POLN: variants seen among roughly 807,000 people sequenced by gnomAD.
The protein encoded by POLN is DNA polymerase nu.
Under a neutral mutation model 113.5 loss-of-function variants are expected in POLN, and 108 were observed. The observed-to-expected ratio is 0.95, with a 90% CI of 0.81 to 1.12. The LOEUF (loss-of-function observed/expected upper bound fraction) is 1.12, where lower values mean the gene tolerates loss of function less well. Among genes scored for constraint, POLN ranks in the 50% most tolerant of loss-of-function variants. The pLI, the probability that POLN is intolerant of heterozygous loss-of-function variation, is 0.00. For synonymous variants in POLN, 386 were observed against 391.5 expected (o/e 0.99, Z 0.17); for missense variants, 1,097 against 1,077.1 (o/e 1.02, Z -0.26).
intron 16 of POLN, among the ~76,000 whole-genome samples, chr4:2,135,040 C>T (rs1731819519): frequency 6.6e-6 from 1 of 152,182 alleles, no homozygotes; most frequent in Non-Finnish European, 1.5e-5. Flanking sequence ...CCCAGGGCAG[C>T]AATGCAAAAT....
At chr4:2,173,130 CAA>C (rs1335016074) in intron 11 of POLN, among the ~76,000 whole-genome samples, 1 of 152,132 alleles carries the variant, frequency 6.6e-6, no homozygotes, top group African/African-American at 2.4e-5. Flanking sequence ...GAAAAGGCTA[CAA>C]AAGTCAGGGT....
chr4:2,124,514 A>G (rs1731530419), intron 19 of POLN, among the ~76,000 whole-genome samples: 1 of 152,186 alleles, frequency 6.6e-6, no homozygotes, highest in Admixed American at 6.5e-5. Flanking sequence ...CCTGGCCTCA[A>G]GTGATCCTCT....
At chr4:2,171,723 T>A (rs1732866915) in intron 11 of POLN, among the ~76,000 whole-genome samples, 2 of 152,108 alleles carry the variant, frequency 1.3e-5, no homozygotes, top group South Asian at 4.1e-4. Flanking sequence ...GTGGGTGTCT[T>A]GAGCCCAGGA....
chr4:2,215,913 C>T (rs763486259), intron 3 of POLN, among the ~76,000 whole-genome samples: 3 of 152,226 alleles, frequency 2.0e-5, no homozygotes, highest in Non-Finnish European at 4.4e-5. Context: ...ATCTCCTCTG[C>T]TGCTCTAGGT....
intron 21 of POLN, chr4:2,082,900 T>C (rs1355478074): frequency 6.6e-6 from 1 of 152,238 alleles, no homozygotes; most frequent in Non-Finnish European, 1.5e-5. Context: ...GCCAATCATC[T>C]TGACCCTTTT....
At position 2,213,053 on chromosome 4, in the gene POLN, T is replaced by G. The variant is rs754650779; in HGVS notation, c.207A>C (p.Glu69Asp). Residue 69 changes from glutamate to aspartate, a missense_variant, in exon 4 of 26, where the codon GAA becomes GAC. Glu to Asp is a conservative substitution (Grantham distance 45). Coordinates refer to ENST00000511885, the MANE Select transcript of POLN (RefSeq NM_181808.4). Reference protein sequence around the residue: ...QLEDRKTQSPEKKDLKSLRSQ... With the variant: ...QLEDRKTQSPDKKDLKSLRSQ... ...CATATGTGCAATGATTTACCTTTTT[T>G]TCTGGTGATTGAGTCTTCCTGTCTT... 7.5e-6 allele frequency: 12 copies of G among 1,605,130 alleles called. No individual in the cohort carries two copies. The highest frequency in any genetic ancestry group is 9.4e-6 in the Non-Finnish European group (11 of 1,174,664).
At chr4:2,193,626 G>A (rs1163066112) in intron 6 of POLN, among the ~76,000 whole-genome samples, 6 of 152,174 alleles carry the variant, frequency 3.9e-5, no homozygotes, top group African/African-American at 1.2e-4. Context: ...GCTCTTTAGA[G>A]CCAGGCCCCA....
At chr4:2,232,118 T>C in intron 2 of POLN, 1 of 1,589,404 alleles carries the variant, frequency 6.3e-7, no homozygotes, top group Non-Finnish European at 8.5e-7. Context: ...TGATTTAGCT[T>C]ATTCAGTTGA....
At chr4:2,235,947 A>C (rs1018735477) in intron 2 of POLN, among the ~76,000 whole-genome samples, 1 of 152,228 alleles carries the variant, frequency 6.6e-6, no homozygotes, top group Non-Finnish European at 1.5e-5. Flanking sequence ...TGAAAAAAAA[A>C]TACAGAGGCG....
chr4:2,201,558 C>T (rs911712528), intron 5 of POLN, among the ~76,000 whole-genome samples: 2 of 151,904 alleles, frequency 1.3e-5, no homozygotes, highest in Non-Finnish European at 2.9e-5. Flanking sequence ...TTATGTTAAA[C>T]AACCAAACCT....
chr4:2,126,296 G>A lies in POLN; in HGVS notation c.1982+1817C>T, dbSNP rs1338898059. Among the ~76,000 whole-genome samples the A allele has an allele frequency of 2.0e-5, 3 of 152,176 alleles. No individual in the cohort carries two copies. The highest frequency in any genetic ancestry group is 4.1e-4 in the South Asian group (2 of 4,824). ...TAACATTCTCAATCCTCTGCTCCCCGTATATAAAATATTTCTTCCTGAATT... is the reference window on the plus strand; with the variant it reads ...TAACATTCTCAATCCTCTGCTCCCCATATATAAAATATTTCTTCCTGAATT... On this transcript the variant is annotated intron_variant, in intron 19 of 25. Transcript: ENST00000511885. This position sits in a 1 kb window ranked among gnomAD's most constrained non-coding sequence, Gnocchi z 4.6.
At chr4:2,118,268 A>C (rs1461772303) in intron 19 of POLN, among the ~76,000 whole-genome samples, 4 of 152,206 alleles carry the variant, frequency 2.6e-5, no homozygotes, top group Non-Finnish European at 4.4e-5. Flanking sequence ...TATTGAGGCC[A>C]CATCTTTGAT....
At position 2,166,173 on chromosome 4, in the gene POLN, C is replaced by T. The variant is rs115520795; in HGVS notation, c.1554+4506G>A. ...TTTTCTAAAAATCTACATTCCTCCC[C>T]ATGGCCTACAAAGCACAGCAGAATT... On this transcript the variant is annotated intron_variant, in intron 13 of 25. Coordinates refer to ENST00000511885, the MANE Select transcript of POLN (RefSeq NM_181808.4). 2.1e-3 allele frequency among the ~76,000 whole-genome samples: 317 copies of T among 152,312 alleles called. 1 individual carries two copies. The highest frequency in any genetic ancestry group is 7.3e-3 in the African/African-American group (302 of 41,574).
At position 2,198,665 on chromosome 4, in the gene POLN, T is replaced by A; in HGVS notation, c.767A>T (p.Glu256Val). The A allele has an allele frequency of 1.2e-6, 2 of 1,613,380 alleles. No individual in the cohort carries two copies. Among genetic ancestry groups the A allele is most frequent in the Non-Finnish European group, 1.7e-6 (2 of 1,179,734 alleles). The change falls in exon 6 of 26, where the codon GAG (glutamate) becomes GTG (valine). Residue 256 changes from glutamate to valine, a missense_variant. By Grantham distance (121) the Glu-to-Val change is moderately radical. Coordinates refer to ENST00000511885, the MANE Select transcript of POLN (RefSeq NM_181808.4). ...GGCATCTGGACAGCCATGGCCACCC[T>A]CTGCTTGGCGTTTTACTAACACCAC... ...GIVVLVKRQA[E>V]GGHGCPDAPA...
At chr4:2,105,494 A>T (rs1351015034) in intron 19 of POLN, among the ~76,000 whole-genome samples, 1 of 152,202 alleles carries the variant, frequency 6.6e-6, no homozygotes, top group East Asian at 1.9e-4. Flanking sequence ...AAGAGGAATA[A>T]ATCTATAAGA....
rs375949186 is a variant in POLN, at chr4:2,140,276, A to G, written c.1732-8986T>C. Among the ~76,000 whole-genome samples, 26 of 152,008 alleles carry G rather than the reference A, an allele frequency of 1.7e-4. No individual in the cohort carries two copies. In the East Asian group the frequency reaches 1.7e-3, roughly 10 times the overall value. ...TCTTTTTAGTAGAGACGGGGGTTTCACCTTGTTGGTCAGGCTGGTCTCGAA... is the reference window on the plus strand; with the variant it reads ...TCTTTTTAGTAGAGACGGGGGTTTCGCCTTGTTGGTCAGGCTGGTCTCGAA... On this transcript the variant is annotated intron_variant, in intron 16 of 25. Coordinates refer to ENST00000511885, the MANE Select transcript of POLN (RefSeq NM_181808.4).
At chr4:2,105,350 C>G (rs1482245854) in intron 19 of POLN, among the ~76,000 whole-genome samples, 1 of 152,142 alleles carries the variant, frequency 6.6e-6, no homozygotes, top group Non-Finnish European at 1.5e-5. Flanking sequence ...CCCCTACAAC[C>G]CATTCTCTGC....
intron 24 of POLN, among the ~76,000 whole-genome samples, chr4:2,073,452 C>T (rs764083688): frequency 5.3e-5 from 8 of 152,224 alleles, no homozygotes; most frequent in Non-Finnish European, 1.2e-4. Flanking sequence ...GCACAGGGAG[C>T]CCCCACCAGC....
chr4:2,242,084 C>G lies in POLN; in HGVS notation c.-317G>C. 4 of 985,828 alleles carry G rather than the reference C, an allele frequency of 4.1e-6. No homozygotes were observed. Among genetic ancestry groups the G allele is most frequent in the Non-Finnish European group, 4.8e-6 (4 of 830,222 alleles). 61.1% of individuals were successfully genotyped at this position (985,828 alleles called of 1,614,324 possible). Reference sequence around the variant, plus strand: ...GTTCCGCTTGCTTCTCGCAGGAGCCCGCCGCCACCGCCCTCCGTGCCCCGC... The same window carrying G: ...GTTCCGCTTGCTTCTCGCAGGAGCCGGCCGCCACCGCCCTCCGTGCCCCGC... On this transcript the variant is annotated 5_prime_UTR_variant, in exon 1 of 26. Transcript: ENST00000511885.
Sources: gnomAD v4.1 joint callset for allele counts (sites outside exome capture counted in the v4.1 genomes callset) on GRCh38, gnomAD v4.1.1 for gene constraint, Gnocchi (gnomAD v3.1) non-coding constraint, MANE v1.5 for transcripts, NCBI Gene and HGNC (gene_info 2026-07-23, HGNC 2026-07-21) for gene names.